The following ALMS1 variants were observed in gnomAD, a reference collection of about 807,000 sequenced individuals.
The protein encoded by ALMS1 is ALMS1 centrosome and basal body associated protein.
ALMS1 carries 271 observed loss-of-function variants against 352.2 expected under a neutral mutation model. The ratio of observed to expected loss-of-function variants is 0.77; its 90% confidence interval spans 0.70 to 0.85. The LOEUF (loss-of-function observed/expected upper bound fraction) is 0.85, where lower values mean the gene tolerates loss of function less well. ALMS1 is among the 40% of genes least tolerant of loss of function. The probability of loss-of-function intolerance (pLI) is 0.00; values close to 1 mark genes in which losing one functional copy is unlikely to be tolerated. For synonymous variants in ALMS1, 1,865 were observed against 1,761.2 expected (o/e 1.06, Z -1.48); for missense variants, 5,445 against 4,870.7 (o/e 1.12, Z -3.51).
At chr2:73,593,011 G>A (rs572328225) in intron 16 of ALMS1, among the ~76,000 whole-genome samples, 1 of 152,204 alleles carries the variant, frequency 6.6e-6, no homozygotes, top group South Asian at 2.1e-4. Context: ...GGCTGATAAT[G>A]CCATTTAATA....
intron 15 of ALMS1, among the ~76,000 whole-genome samples, chr2:73,564,231 T>C (rs951638710): frequency 2.0e-5 from 3 of 151,898 alleles, no homozygotes; most frequent in East Asian, 1.9e-4. Flanking sequence ...TTTGGGAAGC[T>C]AGGGTGGGTG....
intron 1 of ALMS1, among the ~76,000 whole-genome samples, chr2:73,396,303 TACACACACACACAC>T (rs757567739): frequency 2.8e-5 from 4 of 144,068 alleles, no homozygotes; most frequent in Non-Finnish European, 6.2e-5. Context: ...GTCATAGAAA[TACACACACACACAC>T]ACACACACAC....
Position 73,414,489 on chromosome 2 carries a change from G to C in ALMS1, c.451-4634G>C, listed in dbSNP as rs62972161. Among the ~76,000 whole-genome samples, 353 of 94,254 alleles carry C rather than the reference G, an allele frequency of 3.7e-3. 4 individuals are homozygous for C. The highest frequency in any genetic ancestry group is 5.7e-3 in the Non-Finnish European group (291 of 50,814). The allele number at this position is 94,254 out of a possible 152,430, so 61.8% of individuals were successfully genotyped here. On this transcript the variant is annotated intron_variant, in intron 2 of 22. Transcript: ENST00000613296. ...TTTTTTTCCGTTTTTTTTTTTTTTT[G>C]TTTTTTTTTTGCTTTATTACACTGG...
intron 12 of ALMS1, among the ~76,000 whole-genome samples, chr2:73,538,738 T>G (rs1402170008): frequency 6.6e-6 from 1 of 152,088 alleles, no homozygotes; most frequent in African/African-American, 2.4e-5. Flanking sequence ...GGAGATTATA[T>G]CCCGCACCTG....
rs539913156 is a variant in ALMS1 at position 73,571,021 on chromosome 2, T to A, written c.10385-1241T>A. On this transcript the variant is annotated intron_variant, in intron 15 of 22. Coordinates refer to ENST00000613296, the MANE Select transcript of ALMS1 (RefSeq NM_001378454.1). ...ATTTAGAATTATATATTTGTTTGCA[T>A]TTGTTCAGTGCAGAAGCTGCAATCT... 1.1e-4 allele frequency among the ~76,000 whole-genome samples: 17 copies of A among 152,354 alleles called. No homozygotes were observed. In the South Asian group the frequency reaches 3.5e-3, roughly 32 times the overall value.
intron 9 of ALMS1, among the ~76,000 whole-genome samples, chr2:73,477,409 C>A (rs752515975): frequency 1.3e-5 from 2 of 151,776 alleles, no homozygotes; most frequent in Non-Finnish European, 2.9e-5. Flanking sequence ...GTTTTGACAT[C>A]GGAAAGAGTG....
At chr2:73,511,221 C>T (rs1263760764) in intron 10 of ALMS1, among the ~76,000 whole-genome samples, 2 of 151,480 alleles carry the variant, frequency 1.3e-5, no homozygotes, top group African/African-American at 2.4e-5. Context: ...GCATTCCAGG[C>T]GCCACTGGAG....
intron 16 of ALMS1, 25 bp from the exon 17 acceptor site, chr2:73,599,376 A>G (rs1675621436): frequency 2.5e-6 from 4 of 1,610,764 alleles, no homozygotes; most frequent in African/African-American, 2.7e-5. Context: ...AGGTAATAAT[A>G]ACAAGATCTC....
chr2:73,584,576 C>T (rs1425301538), intron 16 of ALMS1, among the ~76,000 whole-genome samples: 1 of 152,102 alleles, frequency 6.6e-6, no homozygotes, highest in Non-Finnish European at 1.5e-5. Context: ...GTTAATTTTG[C>T]TCCTCTTTTC....
chr2:73,400,629 C>T (rs1211225385), intron 1 of ALMS1, among the ~76,000 whole-genome samples: 1 of 151,894 alleles, frequency 6.6e-6, no homozygotes, highest in African/African-American at 2.4e-5. Context: ...AGATATAGGC[C>T]TCTTCATTTT....
intron 19 of ALMS1, 126 bp from the exon 20 acceptor site, chr2:73,602,059 A>G (rs1675704019): frequency 2.0e-6 from 2 of 989,382 alleles, no homozygotes; most frequent in African/African-American, 1.6e-5. Flanking sequence ...AACGCTAGAT[A>G]CTTTCTCGGC....
Position 73,450,698 on chromosome 2 carries a change from T to A in ALMS1, c.4171T>A (p.Phe1391Ile), listed in dbSNP as rs754514025. 6.2e-7 allele frequency: 1 copy of A among 1,612,800 alleles called. No homozygotes were observed. The highest frequency in any genetic ancestry group is 1.1e-5 in the South Asian group (1 of 91,030). Residue 1391 changes from phenylalanine (F) to isoleucine (I), a missense_variant, in exon 8 of 23, where the codon TTC (phenylalanine) becomes ATC (isoleucine). Coordinates refer to ENST00000613296, the MANE Select transcript of ALMS1 (RefSeq NM_001378454.1). The part of the protein sequence containing the change: ...YSQHTEKPSI[F>I]YQQSLPGSHL... ...ACAACATACAGAGAAGCCGAGTATT[T>A]TCTACCAACAGTCGTTGCCAGGTAG...
chr2:73,455,158 C>T lies in ALMS1; in HGVS notation c.7541-4C>T. ...ATTATCTCAAGTGTATGCTTTCTCT[C>T]CAGCCTGGAATATGAAGTTCAATTT... On this transcript the variant is annotated splice_region_variant and splice_polypyrimidine_tract_variant and intron_variant, in intron 8 of 22. Coordinates refer to ENST00000613296, the MANE Select transcript of ALMS1 (RefSeq NM_001378454.1). The T allele has an allele frequency of 6.2e-7, 1 of 1,613,154 alleles. No individual in the cohort carries two copies. The highest frequency in any genetic ancestry group is 8.5e-7 in the Non-Finnish European group (1 of 1,179,660).
chr2:73,517,759 G>T (rs923790533), intron 10 of ALMS1, among the ~76,000 whole-genome samples: 16 of 151,980 alleles, frequency 1.1e-4, no homozygotes, highest in African/African-American at 3.9e-4. Context: ...CTGGGTTCAA[G>T]TGATTCTCCT....
chr2:73,572,578 T>C lies in ALMS1; in HGVS notation c.10701T>C (p.Val3567=), dbSNP rs2104104788. The C allele has an allele frequency of 3.1e-6, 5 of 1,613,866 alleles. No homozygotes were observed. Among genetic ancestry groups the C allele is most frequent in the Non-Finnish European group, 4.2e-6 (5 of 1,179,974 alleles). The part of the protein sequence containing the change: ...KEVMDTTKSQ[V]RDYPKHNGQI... Reference sequence around the variant, plus strand: ...TGATGGATACTACTAAAAGTCAAGTTAGAGATTATCCAAAACATAATGGAC... The same window carrying C: ...TGATGGATACTACTAAAAGTCAAGTCAGAGATTATCCAAAACATAATGGAC... Residue 3567 remains valine, a synonymous_variant, in exon 16 of 23, where the codon GTT becomes GTC. Transcript: ENST00000613296.
At chr2:73,603,196 G>A (rs143737261) in intron 20 of ALMS1, 45 bp from the exon 21 acceptor site, 1 of 1,594,698 alleles carries the variant, frequency 6.3e-7, no homozygotes, top group African/African-American at 1.3e-5. Context: ...CACACCCTCT[G>A]GGTTAAGTCA....
rs2103774719 is a variant in ALMS1 at position 73,448,839 on chromosome 2, G to A, written c.2312G>A (p.Ser771Asn). The A allele has an allele frequency of 1.9e-6, 3 of 1,613,796 alleles. No homozygotes were observed. The highest frequency in any genetic ancestry group is 2.5e-6 in the Non-Finnish European group (3 of 1,179,938). ...TCTTACTCACAAAGAGAAAAGCCTAGTATTTTGTACCCACAGGACTTAGCA... is the reference window on the plus strand; with the variant it reads ...TCTTACTCACAAAGAGAAAAGCCTAATATTTTGTACCCACAGGACTTAGCA... ...SSSYSQREKP[S>N]ILYPQDLADS... The change falls in exon 8 of 23, where the codon AGT becomes AAT. Residue 771 changes from serine (S) to asparagine (N), a missense_variant. Physicochemically the swap from Ser to Asn is conservative, Grantham distance 46. Transcript: ENST00000613296.
chr2:73,454,100 T>G, intron 8 of ALMS1, 33 bp downstream of exon 8: 1 of 1,575,414 alleles, frequency 6.3e-7, no homozygotes, highest in Non-Finnish European at 8.6e-7. Context: ...ATAAACGTTA[T>G]AGTTTAATAA....
At chr2:73,509,641 TG>T (rs1673408473) in intron 10 of ALMS1, among the ~76,000 whole-genome samples, 1 of 152,256 alleles carries the variant, frequency 6.6e-6, no homozygotes, top group South Asian at 2.1e-4. Flanking sequence ...GTTAGTCTGA[TG>T]GGCTTCCCTT....
Sources: gnomAD v4.1 joint callset for allele counts (sites outside exome capture counted in the v4.1 genomes callset) on GRCh38, gnomAD v4.1.1 for gene constraint, MANE v1.5 for transcripts, NCBI Gene and HGNC (gene_info 2026-07-23, HGNC 2026-07-21) for gene names.